TUT7: variants seen among roughly 807,000 people sequenced by gnomAD.
TUT7 encodes terminal uridylyltransferase 7.
TUT7 carries 33 observed loss-of-function variants against 165.9 expected under a neutral mutation model. The ratio of observed to expected loss-of-function variants is 0.20; its 90% confidence interval spans 0.15 to 0.27. The LOEUF is 0.27. Among genes scored for constraint, TUT7 ranks in the 10% least tolerant of loss-of-function variants. The probability of loss-of-function intolerance (pLI) is 1.00; values close to 1 mark genes in which losing one functional copy is unlikely to be tolerated. For missense variants in TUT7, 1,338 were observed against 1,762.3 expected (o/e 0.76, Z 4.31); for synonymous variants, 552 against 608.1 (o/e 0.91, Z 1.36).
rs1827350990 is a variant in TUT7, at chr9:86,305,221, T to C, written c.3857A>G (p.His1286Arg). 1 of 1,600,844 alleles carries C rather than the reference T, an allele frequency of 6.2e-7. No individual in the cohort carries two copies. The highest frequency in any genetic ancestry group is 8.5e-7 in the Non-Finnish European group (1 of 1,176,012). The change falls in exon 23 of 27, where the codon CAT (histidine) becomes CGT (arginine). Residue 1286 changes from histidine (H) to arginine (R), a missense_variant. His to Arg is a conservative substitution (Grantham distance 29). Transcript: ENST00000375963. ...IVIEDPFDLN[H>R]NLGAGLSRKM... ...CCTTGATAATCCAGCTCCAAGATTA[T>C]GATTCAAATCAAAGGGATCTAAGCA...
intron 5 of TUT7, among the ~76,000 whole-genome samples, chr9:86,343,759 C>G (rs1443416361): frequency 1.3e-5 from 2 of 152,178 alleles, no homozygotes; most frequent in African/African-American, 4.8e-5. Context: ...TACAATATCA[C>G]TGACATAGGT....
chr9:86,336,241 T>C (rs1278230785), intron 10 of TUT7, among the ~76,000 whole-genome samples: 1 of 152,156 alleles, frequency 6.6e-6, no homozygotes, highest in Non-Finnish European at 1.5e-5. Flanking sequence ...AAAGGAAAAC[T>C]TCAAAGACTT....
At chr9:86,340,902 ATT>A (rs1049133425) in intron 7 of TUT7, 98 bp downstream of exon 7, 2 of 908,426 alleles carry the variant, frequency 2.2e-6, no homozygotes, top group African/African-American at 3.3e-5. Flanking sequence ...CACATAAATA[ATT>A]TTAAAAGCAT....
chr9:86,344,856 G>A, intron 5 of TUT7, 121 bp downstream of exon 5: 1 of 1,006,740 alleles, frequency 9.9e-7, no homozygotes. Flanking sequence ...CAAAAAAATA[G>A]AAAACACAAG....
At position 86,323,046 on chromosome 9, in the gene TUT7, C is replaced by T; in HGVS notation, c.2704G>A (p.Ala902Thr). ...LSEEDDELGE[A>T]AKYEDVKECG... The stretch of plus-strand genomic sequence containing the variant: ...TCTTTCACGTCTTCATACTTAGCAG[C>T]TTCGCCTAACTCATCATCCTCTTCA... Residue 902 changes from alanine to threonine, a missense_variant, in exon 13 of 27, where the codon GCT becomes ACT. Physicochemically the swap from Ala to Thr is moderately conservative, Grantham distance 58. Around this residue, in one of 7 missense-constraint regions of TUT7, gnomAD observed 425 missense variants for 474.9 expected, o/e 0.89. Coordinates refer to ENST00000375963, the MANE Select transcript of TUT7 (RefSeq NM_024617.4). 6.2e-7 allele frequency: 1 copy of T among 1,614,164 alleles called. No homozygotes were observed. The highest frequency in any genetic ancestry group is 8.5e-7 in the Non-Finnish European group (1 of 1,180,028).
chr9:86,302,215 GGCAA>G (rs1465391059), intron 25 of TUT7, among the ~76,000 whole-genome samples: 1 of 152,076 alleles, frequency 6.6e-6, no homozygotes, highest in Non-Finnish European at 1.5e-5. Context: ...CGTATCCCAA[GGCAA>G]GCAAGCAAAA....
chr9:86,297,844 T>C lies in TUT7; in HGVS notation c.4420+3432A>G, dbSNP rs1278173389. On this transcript the variant is annotated intron_variant, in intron 26 of 26. Transcript: ENST00000375963. ...CAACAAAAACGGTACCTACCACTGC[T>C]GAAGGCGCTTCATAACCCAGATCTA... Among the ~76,000 whole-genome samples, 3 of 151,260 alleles carry C rather than the reference T, an allele frequency of 2.0e-5. No individual in the cohort carries two copies. In the East Asian group the frequency reaches 5.8e-4, roughly 29 times the overall value.
rs1197764054 is a variant in TUT7, at chr9:86,328,381, T to C, written c.1567A>G (p.Lys523Glu). ...DSAAGDTGIT[K>E]EEAPRETPIK... ...GGCGTTTCTCTTGGTGCCTCTTCTT[T>C]TGTTATGCCTGTGTCCCCTGCAGCA... is the stretch of plus-strand genomic sequence containing the variant. The change falls in exon 11 of 27, where the codon AAA becomes GAA. Residue 523 changes from lysine to glutamate, a missense_variant. Physicochemically the swap from Lys to Glu is moderately conservative, Grantham distance 56. Coordinates refer to ENST00000375963, the MANE Select transcript of TUT7 (RefSeq NM_024617.4). The C allele has an allele frequency of 3.7e-6, 6 of 1,608,678 alleles. No homozygotes were observed. The African/African-American group carries it at 4.0e-5, about 11-fold the overall frequency.
intron 26 of TUT7, among the ~76,000 whole-genome samples, chr9:86,289,908 A>C (rs1459540518): frequency 6.6e-6 from 1 of 152,140 alleles, no homozygotes; most frequent in Non-Finnish European, 1.5e-5. Flanking sequence ...TTACGATATG[A>C]CCAAGTATAT....
At chr9:86,353,738 T>G (rs1220217178) in intron 1 of TUT7, among the ~76,000 whole-genome samples, 1 of 152,196 alleles carries the variant, frequency 6.6e-6, no homozygotes, top group Non-Finnish European at 1.5e-5. Context: ...ACCCCTATTC[T>G]GGACAGACCG....
At chr9:86,329,538 A>G (rs1016136028) in intron 10 of TUT7, among the ~76,000 whole-genome samples, 6 of 150,758 alleles carry the variant, frequency 4.0e-5, no homozygotes, top group African/African-American at 1.5e-4. Context: ...AAAAAAAAAC[A>G]AAACAAAAAA....
intron 10 of TUT7, among the ~76,000 whole-genome samples, chr9:86,332,769 T>C (rs527483947): frequency 1.3e-5 from 2 of 152,336 alleles, no homozygotes; most frequent in Admixed American, 6.5e-5. Context: ...AATATTTAAG[T>C]TGATTACTGA....
chr9:86,303,191 A>C lies in TUT7; in HGVS notation c.3989T>G (p.Phe1330Cys), dbSNP rs776791684. The change falls in exon 25 of 27, where the codon TTT becomes TGT. Residue 1330 changes from phenylalanine (F) to cysteine (C), a missense_variant. By Grantham distance (205) the Phe-to-Cys change is radical. This residue lies in a region of TUT7 where 167 missense variants were observed against 204.9 expected (regional missense o/e 0.82). Transcript: ENST00000375963. Reference sequence around the variant, plus strand: ...TCCTTCAGTTAACACATCTGGATCAAAAAAGTATTCCTAGAAGAACATAAA... The same window carrying C: ...TCCTTCAGTTAACACATCTGGATCACAAAAGTATTCCTAGAAGAACATAAA... Reference protein sequence around the residue: ...KDYPSKMEYFFDPDVLTEGEL... With the variant: ...KDYPSKMEYFCDPDVLTEGEL... The C allele has an allele frequency of 6.3e-7, 1 of 1,586,418 alleles. No individual in the cohort carries two copies. Among genetic ancestry groups the C allele is most frequent in the South Asian group, 1.1e-5 (1 of 88,154 alleles).
In TUT7 at chr9:86,353,213, A is replaced by G; in HGVS notation, c.-14T>C. ...TGTATCTCCCATGGTCTTTGACTTCAATTTTCTTACTTTGCACCTGAAAGA... is the reference window on the plus strand; with the variant it reads ...TGTATCTCCCATGGTCTTTGACTTCGATTTTCTTACTTTGCACCTGAAAGA... On this transcript the variant is annotated 5_prime_UTR_variant, in exon 2 of 27. Coordinates refer to ENST00000375963, the MANE Select transcript of TUT7 (RefSeq NM_024617.4). 1.3e-6 allele frequency: 2 copies of G among 1,542,850 alleles called. No individual in the cohort carries two copies. Among genetic ancestry groups the G allele is most frequent in the Non-Finnish European group, 1.7e-6 (2 of 1,151,142 alleles).
At chr9:86,310,905 A>G in intron 17 of TUT7, 96 bp from the exon 18 acceptor site, 1 of 702,752 alleles carries the variant, frequency 1.4e-6, no homozygotes, top group Admixed American at 2.4e-5. Flanking sequence ...TGTAAACCTA[A>G]CTTTGGCCTG....
At chr9:86,346,591 T>C (rs1003693584) in intron 2 of TUT7, 111 bp from the exon 3 acceptor site, 1 of 1,113,958 alleles carries the variant, frequency 9.0e-7, no homozygotes, top group Non-Finnish European at 1.3e-6. Context: ...CACATCTGCA[T>C]GCAGAGCAGA....
intron 2 of TUT7, among the ~76,000 whole-genome samples, chr9:86,351,273 T>TA (rs1248827735): frequency 6.6e-6 from 1 of 151,614 alleles, no homozygotes; most frequent in Non-Finnish European, 1.5e-5. Context: ...CTGTCTCTAT[T>TA]AAAAATACAA....
chr9:86,288,718 G>A lies in TUT7; in HGVS notation c.4447C>T (p.Gln1483Ter). ...SGSLSSKYMT[Q>*]GKASAKRTQQ... is the part of the protein sequence containing the mutation. Reference sequence around the variant, plus strand: ...GTCCTCTTCGCTGAGGCTTTTCCCTGAGTCATATATTTACTGGAAAGGCTA... The same window carrying A: ...GTCCTCTTCGCTGAGGCTTTTCCCTAAGTCATATATTTACTGGAAAGGCTA... The change falls in exon 27 of 27, where the codon CAG becomes TAG. Residue 1483 changes from glutamine (Q) to a stop codon, truncating the protein, a stop_gained. Coordinates refer to ENST00000375963, the MANE Select transcript of TUT7 (RefSeq NM_024617.4). LOFTEE classifies it high-confidence loss of function. 6.2e-7 allele frequency: 1 copy of A among 1,613,674 alleles called. No individual in the cohort carries two copies. Among genetic ancestry groups the A allele is most frequent in the Non-Finnish European group, 8.5e-7 (1 of 1,179,796 alleles).
intron 10 of TUT7, among the ~76,000 whole-genome samples, chr9:86,329,247 C>T (rs868476481): frequency 2.6e-5 from 4 of 152,088 alleles, no homozygotes; most frequent in Middle Eastern, 3.4e-3. Flanking sequence ...GAACAGGCCA[C>T]GCATGGTGGC....
Sources: gnomAD v4.1 joint callset for allele counts (sites outside exome capture counted in the v4.1 genomes callset) on GRCh38, gnomAD v4.1.1 for gene constraint, gnomAD v4.1.1 regional missense constraint, MANE v1.5 for transcripts, NCBI Gene and HGNC (gene_info 2026-07-23, HGNC 2026-07-21) for gene names.